TRMT11: variants seen among roughly 807,000 people sequenced by gnomAD.
The protein encoded by TRMT11 is tRNA methyltransferase 11.
A neutral mutation model predicts 62.8 loss-of-function variants in TRMT11; 53 were observed. That is an observed-to-expected ratio of 0.84 (90% CI 0.68 to 1.06). The LOEUF is 1.06. Among genes scored for constraint, TRMT11 ranks in the 50% least tolerant of loss-of-function variants. The pLI is 0.00. For synonymous variants in TRMT11, 188 were observed against 190.3 expected, an observed-to-expected ratio of 0.99 and a Z score of 0.10; for missense variants, 556 against 553.4, an observed-to-expected ratio of 1.00 and a Z score of -0.05.
At chr6:126,020,985 G>A (rs1360818693) in intron 11 of TRMT11, among the ~76,000 whole-genome samples, 175 bp from the exon 12 acceptor site, 1 of 152,196 alleles carries the variant, frequency 6.6e-6, no homozygotes, top group East Asian at 1.9e-4. Flanking sequence ...TTTGGGATAT[G>A]ATAAAATTAA....
chr6:126,017,449 T>C (rs1355474660), intron 11 of TRMT11, among the ~76,000 whole-genome samples: 1 of 152,238 alleles, frequency 6.6e-6, no homozygotes, highest in Non-Finnish European at 1.5e-5. Flanking sequence ...GTAAAGAAAC[T>C]GCTACTCAGA....
At chr6:126,052,555 C>T (rs73594027) in intron 16 of TRMT11, among the ~76,000 whole-genome samples, 202 of 152,128 alleles carry the variant, frequency 1.3e-3, no homozygotes, top group African/African-American at 4.6e-3. Flanking sequence ...TCCCTCTGCC[C>T]CCCTTTTTAT....
chr6:126,186,430 GTAGAGTGA>G (rs1778528613), intron 1 of TRMT11, among the ~76,000 whole-genome samples: 1 of 152,070 alleles, frequency 6.6e-6, no homozygotes, highest in Admixed American at 6.6e-5. Context: ...TCCTAGAATT[GTAGAGTGA>G]TACAAGAAGT....
At chr6:126,186,340 T>C (rs1778527719) in intron 1 of TRMT11, among the ~76,000 whole-genome samples, 1 of 152,188 alleles carries the variant, frequency 6.6e-6, no homozygotes, top group Admixed American at 6.5e-5. Flanking sequence ...TTTTTTTATT[T>C]AATTATGGAA....
chr6:126,141,460 A>G (rs1201288430), intron 21 of TRMT11, among the ~76,000 whole-genome samples: 1 of 152,172 alleles, frequency 6.6e-6, no homozygotes, highest in African/African-American at 2.4e-5. Context: ...ATTTGAATAT[A>G]TCATTCAAGC....
chr6:126,102,569 A>G (rs1486911000), intron 17 of TRMT11, among the ~76,000 whole-genome samples: 2 of 139,644 alleles, frequency 1.4e-5, no homozygotes, highest in Non-Finnish European at 1.5e-5. Flanking sequence ...GTGATTTAGT[A>G]TGAGAATCTT....
At chr6:126,271,281 T>G in the TRMT11 span, among the ~76,000 whole-genome samples, 1 of 147,262 alleles carries the variant, frequency 6.8e-6, no homozygotes, top group Admixed American at 7.1e-5. Flanking sequence ...GGAAAATCGC[T>G]TGAACCCGGG....
intron 7 of TRMT11, among the ~76,000 whole-genome samples, chr6:126,005,856 G>A (rs1409324727): frequency 6.6e-6 from 1 of 151,960 alleles, no homozygotes; most frequent in African/African-American, 2.4e-5. Context: ...CCTCTGTCAA[G>A]TGAGTCAGCT....
At chr6:126,237,746 C>G in the TRMT11 span, among the ~76,000 whole-genome samples, 56 of 152,130 alleles carry the variant, frequency 3.7e-4, no homozygotes, top group East Asian at 9.5e-3. Flanking sequence ...TAAACTAATT[C>G]TAAATCAAAG....
chr6:126,011,567 A>G, intron 9 of TRMT11, 150 bp downstream of exon 9: 1 of 659,958 alleles, frequency 1.5e-6, no homozygotes, highest in Non-Finnish European at 2.5e-6. Context: ...TGTAAGGAGA[A>G]AGTTATGAAG....
the TRMT11 span, among the ~76,000 whole-genome samples, chr6:126,214,902 G>A: frequency 6.6e-4 from 100 of 151,884 alleles, no homozygotes; most frequent in Middle Eastern, 3.4e-3. Flanking sequence ...TGCTTTTGCC[G>A]TATCCTAGGT....
intron 17 of TRMT11, among the ~76,000 whole-genome samples, chr6:126,093,631 A>ATATATATTTTTTTTTTTTTTT (rs1554236842): frequency 2.0e-5 from 2 of 98,016 alleles, no homozygotes; most frequent in African/African-American, 8.7e-5. Context: ...ATATATATAT[A>ATATATATTTTTTTTTTTTTTT]TTTTCCCCCA....
the TRMT11 span, among the ~76,000 whole-genome samples, chr6:126,247,441 A>ATATCTATCTATC: frequency 4.9e-4 from 65 of 132,500 alleles, no homozygotes; most frequent in Non-Finnish European, 4.3e-4. Flanking sequence ...GACACAGAAC[A>ATATCTATCTATC]TATCTATCTA....
intron 1 of TRMT11, among the ~76,000 whole-genome samples, chr6:125,989,441 G>C (rs1253678964): frequency 6.6e-6 from 1 of 152,026 alleles, no homozygotes; most frequent in Non-Finnish European, 1.5e-5. Flanking sequence ...AGATATAATG[G>C]GTAGCCACTG....
chr6:126,111,700 G>A (rs1377440867), intron 17 of TRMT11, among the ~76,000 whole-genome samples: 1 of 152,068 alleles, frequency 6.6e-6, no homozygotes, highest in African/African-American at 2.4e-5. Flanking sequence ...TTCCAAGGCG[G>A]AATGGAGTGA....
intron 3 of TRMT11, among the ~76,000 whole-genome samples, chr6:125,997,112 C>T (rs1791645334): frequency 6.6e-6 from 1 of 152,136 alleles, no homozygotes; most frequent in African/African-American, 2.4e-5. Context: ...GCACAATTAA[C>T]AGTTGTATAA....
chr6:126,051,674 G>A (rs1462859153), intron 16 of TRMT11, among the ~76,000 whole-genome samples: 3 of 152,094 alleles, frequency 2.0e-5, no homozygotes, highest in African/African-American at 7.2e-5. Flanking sequence ...CTGGTAGTTG[G>A]GAACCAGATG....
At chr6:126,030,838 T>C (rs1774064867) in intron 12 of TRMT11, among the ~76,000 whole-genome samples, 3 of 152,204 alleles carry the variant, frequency 2.0e-5, no homozygotes, top group Admixed American at 2.0e-4. Context: ...CTCTAGAAAG[T>C]GGAAATATCT....
chr6:126,243,535 C>T, the TRMT11 span, among the ~76,000 whole-genome samples: 40 of 152,202 alleles, frequency 2.6e-4, no homozygotes, highest in African/African-American at 9.4e-4. Flanking sequence ...GGAACTAACC[C>T]AAATGTCCAA....
Sources: gnomAD v4.1 joint callset for allele counts (sites outside exome capture counted in the v4.1 genomes callset) on GRCh38, gnomAD v4.1.1 for gene constraint, MANE v1.5 for transcripts, NCBI Gene and HGNC (gene_info 2026-07-23, HGNC 2026-07-21) for gene names.